The following ZNF131 variants were observed in gnomAD, a reference collection of about 807,000 sequenced individuals.
ZNF131 encodes zinc finger and BTB domain containing 35.
A neutral mutation model predicts 60.0 loss-of-function variants in ZNF131; 7 were observed. The observed-to-expected ratio is 0.12, with a 90% CI of 0.07 to 0.22. The LOEUF is 0.22. Ranked by LOEUF, ZNF131 falls within the 10% of genes least tolerant of loss-of-function variation. The probability of loss-of-function intolerance (pLI) is 1.00; values close to 1 mark genes in which losing one functional copy is unlikely to be tolerated. For missense variants in ZNF131, 493 were observed against 740.9 expected (o/e 0.67, Z 3.88); for synonymous variants, 257 against 253.2 (o/e 1.01, Z -0.14).
intron 3 of ZNF131, among the ~76,000 whole-genome samples, chr5:43,128,452 G>C (rs1002910822): frequency 6.6e-6 from 1 of 151,948 alleles, no homozygotes; most frequent in Non-Finnish European, 1.5e-5. Context: ...TCAGGAGATC[G>C]AGATCATCCT....
intron 5 of ZNF131, among the ~76,000 whole-genome samples, chr5:43,164,302 T>A (rs1201573312): frequency 6.6e-6 from 1 of 152,156 alleles, no homozygotes. Flanking sequence ...GTGCGTGGAT[T>A]TTGCTATACG....
intron 3 of ZNF131, among the ~76,000 whole-genome samples, chr5:43,132,064 A>G (rs1431226887): frequency 3.9e-5 from 6 of 152,232 alleles, no homozygotes; most frequent in Admixed American, 1.3e-4. Context: ...TTATATGTAT[A>G]TAGTAAGTGT....
chr5:43,150,564 C>T (rs955501979), intron 4 of ZNF131, among the ~76,000 whole-genome samples: 9 of 151,740 alleles, frequency 5.9e-5, no homozygotes, highest in Non-Finnish European at 1.2e-4. Flanking sequence ...CCGAGGCGGG[C>T]GGATCATCTG....
At chr5:43,122,614 C>A (rs77093598) in intron 2 of ZNF131, among the ~76,000 whole-genome samples, 1,614 of 152,180 alleles carry the variant, frequency 0.011, 32 homozygotes, top group African/African-American at 0.037. Context: ...ACTCATACCC[C>A]CTTTGAGAAT....
At chr5:43,137,673 T>G (rs1052501223) in intron 3 of ZNF131, among the ~76,000 whole-genome samples, 4 of 152,110 alleles carry the variant, frequency 2.6e-5, no homozygotes, top group Non-Finnish European at 5.9e-5. Flanking sequence ...TGGAAAACAG[T>G]ATGAATGTTC....
intron 4 of ZNF131, among the ~76,000 whole-genome samples, chr5:43,142,838 C>T (rs1311658209): frequency 6.6e-6 from 1 of 151,832 alleles, no homozygotes; most frequent in Non-Finnish European, 1.5e-5. Context: ...ACCACAGATG[C>T]TTGCCACCAT....
At position 43,174,623 on chromosome 5, in the gene ZNF131, T is replaced by G; in HGVS notation, c.1362T>G (p.Val454=). The G allele has an allele frequency of 4.3e-6, 7 of 1,614,152 alleles. No individual in the cohort carries two copies. Among genetic ancestry groups the G allele is most frequent in the Non-Finnish European group, 5.9e-6 (7 of 1,179,994 alleles). ...NISERLVTEE[V]LSVETRVQTE... is the part of the protein sequence containing the mutation. ...CAGAGCGTCTAGTAACGGAAGAAGT[T>G]CTTTCAGTAGAAACACGTGTGCAAA... Residue 454 remains valine (V), a synonymous_variant, in exon 7 of 7, where the codon GTT becomes GTG. Coordinates refer to ENST00000682664, the MANE Select transcript of ZNF131 (RefSeq NM_001330707.2).
At chr5:43,153,463 TAAAAAA>T (rs35596507) in intron 4 of ZNF131, among the ~76,000 whole-genome samples, 30 of 61,164 alleles carry the variant, frequency 4.9e-4, no homozygotes, top group African/African-American at 1.7e-3. Context: ...CCATCTCTAC[TAAAAAA>T]AAAAAAAAAA....
chr5:43,161,996 A>C, intron 5 of ZNF131, 65 bp downstream of exon 5: 2 of 1,438,290 alleles, frequency 1.4e-6, no homozygotes, highest in Non-Finnish European at 1.9e-6. Flanking sequence ...AAGTATCTAA[A>C]TCCTTTTTAA....
chr5:43,155,650 G>A (rs1748871193), intron 4 of ZNF131, among the ~76,000 whole-genome samples: 1 of 152,178 alleles, frequency 6.6e-6, no homozygotes, highest in Non-Finnish European at 1.5e-5. Context: ...TTAGCTGATA[G>A]AAAGGAGAAA....
Position 43,130,264 on chromosome 5 carries a change from C to CAAAAA in ZNF131, c.226+6968_226+6972dup, listed in dbSNP as rs570313526. Among the ~76,000 whole-genome samples, 29 of 68,390 alleles carry CAAAAA rather than the reference C, an allele frequency of 4.2e-4. 1 individual carries two copies. Among genetic ancestry groups the CAAAAA allele is most frequent in the African/African-American group, 1.0e-3 (17 of 17,018 alleles). The allele number at this position is 68,390 out of a possible 152,430, so 44.9% of individuals were successfully genotyped here. Reference sequence around the variant, plus strand: ...GAGCGATAGAGTAAGACTCTGTCTCCAAAAAAAAAAAAAAAAAAGAGGAAA... The same window carrying CAAAAA: ...GAGCGATAGAGTAAGACTCTGTCTCCAAAAAAAAAAAAAAAAAAAAAAAGAGGAAA... On this transcript the variant is annotated intron_variant, in intron 3 of 6. Coordinates refer to ENST00000682664, the MANE Select transcript of ZNF131 (RefSeq NM_001330707.2).
chr5:43,156,505 T>G (rs1372853733), intron 4 of ZNF131, among the ~76,000 whole-genome samples: 1 of 152,050 alleles, frequency 6.6e-6, no homozygotes, highest in East Asian at 1.9e-4. Context: ...TAAGGCACAT[T>G]TACTTTTGGT....
At chr5:43,140,856 T>C (rs564977124) in intron 4 of ZNF131, among the ~76,000 whole-genome samples, 4 of 152,260 alleles carry the variant, frequency 2.6e-5, no homozygotes, top group Admixed American at 6.5e-5. Flanking sequence ...TAGCTGGGAT[T>C]ACAGGTGCCT....
chr5:43,130,504 TAAATG>T (rs1306346695), intron 3 of ZNF131, among the ~76,000 whole-genome samples: 2 of 152,186 alleles, frequency 1.3e-5, no homozygotes, highest in African/African-American at 2.4e-5. Context: ...TGCTGGTTGT[TAAATG>T]AGAAAAGTTT....
chr5:43,160,963 G>C (rs1328766150), intron 4 of ZNF131, among the ~76,000 whole-genome samples: 3 of 152,158 alleles, frequency 2.0e-5, no homozygotes, highest in African/African-American at 7.2e-5. Context: ...TTACAGGCAT[G>C]AGCCACTGCA....
At position 43,171,441 on chromosome 5, in the gene ZNF131, G is replaced by A. The variant is rs934724654; in HGVS notation, c.1055-1877G>A. Reference sequence around the variant, plus strand: ...CTTAAAGAATCCTGTTATTGGCTGGGCACGGTGGATCACTTGAGGTCAGGA... The same window carrying A: ...CTTAAAGAATCCTGTTATTGGCTGGACACGGTGGATCACTTGAGGTCAGGA... On this transcript the variant is annotated intron_variant, in intron 5 of 6. Coordinates refer to ENST00000682664, the MANE Select transcript of ZNF131 (RefSeq NM_001330707.2). Among the ~76,000 whole-genome samples, 25 of 152,092 alleles carry A rather than the reference G, an allele frequency of 1.6e-4. No homozygotes were observed. The South Asian group carries it at 1.9e-3, about 11-fold the overall frequency.
At chr5:43,165,652 C>G (rs547683528) in intron 5 of ZNF131, among the ~76,000 whole-genome samples, 1 of 152,196 alleles carries the variant, frequency 6.6e-6, no homozygotes, top group African/African-American at 2.4e-5. Flanking sequence ...GTTTCTGTAG[C>G]CCAGGCAGAG....
chr5:43,143,332 T>C (rs989280567), intron 4 of ZNF131: 8 of 1,279,672 alleles, frequency 6.3e-6, no homozygotes, highest in Non-Finnish European at 7.9e-6. Flanking sequence ...CAAGCTTTTA[T>C]TTAAGTGCAG....
At chr5:43,147,308 T>C (rs935656081) in intron 4 of ZNF131, among the ~76,000 whole-genome samples, 3 of 152,190 alleles carry the variant, frequency 2.0e-5, no homozygotes, top group Non-Finnish European at 4.4e-5. Context: ...TCATTTCTCT[T>C]AGTAAACATC....
Sources: allele counts gnomAD v4.1 joint callset (sites outside exome capture counted in the v4.1 genomes callset), GRCh38; gene constraint gnomAD v4.1.1; transcripts MANE v1.5; gene names NCBI Gene and HGNC (gene_info 2026-07-23, HGNC 2026-07-21).